LMF1: variants seen among roughly 807,000 people sequenced by gnomAD.
LMF1 encodes lipase maturation factor 1, also known as transmembrane protein 112.
A neutral mutation model predicts 60.6 loss-of-function variants in LMF1; 68 were observed. The observed-to-expected ratio is 1.12, with a 90% CI of 0.92 to 1.37. The LOEUF is 1.37. LMF1 is among the 40% of genes most tolerant of loss of function. The pLI is 0.00. For synonymous variants in LMF1, 418 were observed against 324.7 expected, an observed-to-expected ratio of 1.29 and a Z score of -3.09; for missense variants, 948 against 767.2, an observed-to-expected ratio of 1.24 and a Z score of -2.78.
intron 10 of LMF1, among the ~76,000 whole-genome samples, chr16:857,544 G>GC (rs1332939210): frequency 9.5e-6 from 1 of 105,402 alleles, no homozygotes; most frequent in Admixed American, 8.9e-5. Context: ...GGACGGGTGT[G>GC]AGTGGTGTCA....
chr16:909,209 G>A (rs568376281), intron 4 of LMF1, among the ~76,000 whole-genome samples: 6 of 152,206 alleles, frequency 3.9e-5, no homozygotes, highest in Non-Finnish European at 8.8e-5. Flanking sequence ...CTGGCTAAGG[G>A]CTGGCGCAAG....
At chr16:947,964 CGACAGAGTCAGCCAAT>C (rs2072285948) in intron 2 of LMF1, among the ~76,000 whole-genome samples, 1 of 147,524 alleles carries the variant, frequency 6.8e-6, no homozygotes, top group African/African-American at 2.5e-5. Flanking sequence ...TCAGAGCCAA[CGACAGAGTCAGCCAAT>C]GACAGAGTCA....
chr16:955,258 A>ACC (rs1212988083), intron 1 of LMF1, among the ~76,000 whole-genome samples: 15 of 128,862 alleles, frequency 1.2e-4, no homozygotes, highest in African/African-American at 3.7e-4. Context: ...GCATACACAC[A>ACC]CACACATCTA....
intron 2 of LMF1, chr16:934,485 A>G: frequency 1.8e-6 from 1 of 568,224 alleles, no homozygotes; most frequent in Admixed American, 3.1e-5. Flanking sequence ...AGATACACCT[A>G]CTAAGTACCC....
At chr16:934,460 C>A in intron 2 of LMF1, 1 of 601,682 alleles carries the variant, frequency 1.7e-6, no homozygotes, top group South Asian at 1.9e-5. Context: ...GAACAGGCAA[C>A]CAAAACATAT....
chr16:957,118 T>C (rs1448022772), intron 1 of LMF1, among the ~76,000 whole-genome samples: 1 of 151,948 alleles, frequency 6.6e-6, no homozygotes, highest in Non-Finnish European at 1.5e-5. Flanking sequence ...ACCATTGCAC[T>C]CCAGCCTGGG....
intron 1 of LMF1, among the ~76,000 whole-genome samples, chr16:967,134 C>A (rs2072940599): frequency 1.3e-5 from 2 of 152,216 alleles, no homozygotes; most frequent in Non-Finnish European, 2.9e-5. Context: ...CTGGAAATTC[C>A]AGGAGTCCAG....
Position 853,811 on chromosome 16 carries a change from G to T in LMF1, c.*721C>A, listed in dbSNP as rs535532052. 1.2e-3 allele frequency: 559 copies of T among 454,128 alleles called. 3 individuals carry two copies. Among genetic ancestry groups the T allele is most frequent in the African/African-American group, 0.011 (532 of 50,134 alleles). 28.1% of individuals were successfully genotyped at this position (454,128 alleles called of 1,614,324 possible). ...GCCTTGTCAAGGCCTCAGAGGCAGC[G>T]AGGTCACAGCCTGGTGGAGGGTCTG... On this transcript the variant is annotated 3_prime_UTR_variant, in exon 11 of 11. Transcript: ENST00000262301.
chr16:943,254 C>T (rs2072152736), intron 2 of LMF1, among the ~76,000 whole-genome samples: 1 of 151,640 alleles, frequency 6.6e-6, no homozygotes, highest in South Asian at 2.1e-4. Flanking sequence ...GCCTGTAGTC[C>T]CAGCTACTCA....
At chr16:966,107 G>A (rs938018442) in intron 1 of LMF1, among the ~76,000 whole-genome samples, 10 of 152,154 alleles carry the variant, frequency 6.6e-5, no homozygotes, top group Non-Finnish European at 1.5e-4. Context: ...CGGCAGCCAC[G>A]GAGAGAACAA....
At position 947,964 on chromosome 16, in the gene LMF1, C is replaced by A. The variant is rs138417486; in HGVS notation, c.503+6393G>T. 5.6e-3 allele frequency among the ~76,000 whole-genome samples: 828 copies of A among 147,512 alleles called. 2 individuals are homozygous for A. Among genetic ancestry groups the A allele is most frequent in the East Asian group, 0.023 (111 of 4,872 alleles). ...CAGCCAATGACAGAGTCAGAGCCAA[C>A]GACAGAGTCAGCCAATGACAGAGTC... On this transcript the variant is annotated intron_variant, in intron 2 of 10. Coordinates refer to ENST00000262301, the MANE Select transcript of LMF1 (RefSeq NM_022773.4).
At chr16:872,501 C>G (rs559881739) in intron 6 of LMF1, 6 of 152,256 alleles carry the variant, frequency 3.9e-5, no homozygotes, top group Non-Finnish European at 7.3e-5. Flanking sequence ...TACAAGGTTA[C>G]TAAACCCCTG....
chr16:876,053 C>A (rs561763087), intron 6 of LMF1, among the ~76,000 whole-genome samples: 2 of 152,246 alleles, frequency 1.3e-5, no homozygotes, highest in African/African-American at 4.8e-5. Flanking sequence ...CCTGGCCCCA[C>A]GCCTGTGCTC....
chr16:870,627 G>C (rs753818699), intron 8 of LMF1, 102 bp downstream of exon 8: 291 of 1,362,838 alleles, frequency 2.1e-4, no homozygotes, highest in Non-Finnish European at 2.9e-4. Flanking sequence ...GGGACACTTG[G>C]GGTCATGGGG....
At chr16:856,325 G>C (rs192469368) in intron 10 of LMF1, among the ~76,000 whole-genome samples, 28 of 152,290 alleles carry the variant, frequency 1.8e-4, no homozygotes, top group African/African-American at 6.0e-4. Flanking sequence ...ACTGGACCCC[G>C]AGGTCGACCT....
upstream of LMF1, among the ~76,000 whole-genome samples, chr16:974,714 G>A (rs1198298185): frequency 6.6e-6 from 1 of 152,196 alleles, no homozygotes; most frequent in Admixed American, 6.5e-5. Flanking sequence ...CTGCGGGCCG[G>A]CTTCAGGGAG....
intron 1 of LMF1, among the ~76,000 whole-genome samples, chr16:965,986 G>C (rs2072914959): frequency 1.3e-5 from 2 of 152,154 alleles, no homozygotes; most frequent in African/African-American, 4.8e-5. Context: ...CACTGGAATG[G>C]GGACAATATC....
intron 10 of LMF1, among the ~76,000 whole-genome samples, 158 bp downstream of exon 10, chr16:868,776 CGGGGGGGGGG>C (rs746232858): frequency 2.0e-5 from 1 of 50,078 alleles, no homozygotes; most frequent in African/African-American, 4.7e-5. Flanking sequence ...TGATGTGGGG[CGGGGGGGGGG>C]GGCCCTTTTT....
chr16:892,042 C>T (rs1160800920), intron 5 of LMF1, among the ~76,000 whole-genome samples: 1 of 152,332 alleles, frequency 6.6e-6, no homozygotes, highest in East Asian at 1.9e-4. Flanking sequence ...AGTCAGGACA[C>T]AGCCACTAAA....
Sources: gnomAD v4.1 joint callset for allele counts (sites outside exome capture counted in the v4.1 genomes callset) on GRCh38, gnomAD v4.1.1 for gene constraint, MANE v1.5 for transcripts, NCBI Gene and HGNC (gene_info 2026-07-23, HGNC 2026-07-21) for gene names.